SGK3: variants seen among roughly 807,000 people sequenced by gnomAD.
SGK3 encodes serum/glucocorticoid regulated kinase family member 3, also known as serine/threonine-protein kinase Sgk3.
In SGK3, 47 loss-of-function variants were observed where a neutral mutation model predicts 68.5. The ratio of observed to expected loss-of-function variants is 0.69; its 90% CI spans 0.54 to 0.87. The LOEUF (loss-of-function observed/expected upper bound fraction) is 0.87, where lower values mean the gene tolerates loss of function less well. Ranked by LOEUF, SGK3 falls within the 40% of genes least tolerant of loss-of-function variation. The pLI is 0.00. For missense variants in SGK3, 479 were observed against 575.5 expected, an observed-to-expected ratio of 0.83 and a Z score of 1.72; for synonymous variants, 181 against 189.1, an observed-to-expected ratio of 0.96 and a Z score of 0.35.
chr8:66,762,894 G>T (rs1449195766), intron 1 of SGK3, among the ~76,000 whole-genome samples: 2 of 152,196 alleles, frequency 1.3e-5, no homozygotes, highest in Non-Finnish European at 2.9e-5. Flanking sequence ...GGAAGTTAGA[G>T]CTAGAAACTT....
At chr8:66,821,341 A>T (rs969500653) in intron 5 of SGK3, among the ~76,000 whole-genome samples, 1 of 152,030 alleles carries the variant, frequency 6.6e-6, no homozygotes, top group South Asian at 2.1e-4. Flanking sequence ...TATAAAAATG[A>T]TACTGTGTTA....
At chr8:66,803,849 G>A (rs1416686157) in intron 3 of SGK3, among the ~76,000 whole-genome samples, 4 of 151,596 alleles carry the variant, frequency 2.6e-5, no homozygotes, top group Non-Finnish European at 5.9e-5. Context: ...TTTTAGAGAC[G>A]AAGTTTCACT....
chr8:66,858,255 G>T (rs1269133588), intron 16 of SGK3, among the ~76,000 whole-genome samples: 1 of 151,906 alleles, frequency 6.6e-6, no homozygotes, highest in Admixed American at 6.6e-5. Flanking sequence ...CACGAGGTCA[G>T]GAGATCAAGA....
chr8:66,839,871 A>C (rs1009472513), intron 10 of SGK3, 132 bp from the exon 11 acceptor site: 5 of 789,510 alleles, frequency 6.3e-6, no homozygotes, highest in African/African-American at 1.8e-5. Flanking sequence ...TGCCTTGTTA[A>C]CATTTTTAGC....
At position 66,856,256 on chromosome 8, in the gene SGK3, A is replaced by C. The variant is rs190293693; in HGVS notation, c.1321-3155A>C. Among the ~76,000 whole-genome samples the C allele has an allele frequency of 1.0e-3, 158 of 152,164 alleles. 3 individuals are homozygous for C. Among genetic ancestry groups the C allele is most frequent in the Admixed American group, 8.1e-3 (124 of 15,264 alleles). ...CTAATTTTTTGTATTTTTAGTAGAG[A>C]TGGGGTTCCATCGTGTTAACCAGGA... On this transcript the variant is annotated intron_variant, in intron 16 of 16. Coordinates refer to ENST00000521198, the MANE Select transcript of SGK3 (RefSeq NM_001033578.3).
chr8:66,804,723 CCAGGACCACATA>C (rs1461411797), intron 4 of SGK3, among the ~76,000 whole-genome samples: 5 of 152,036 alleles, frequency 3.3e-5, no homozygotes, highest in Non-Finnish European at 7.4e-5. Context: ...ATTAATTTGC[CCAGGACCACATA>C]CAGATAGTAA....
At chr8:66,826,161 C>A (rs571696113) in intron 6 of SGK3, among the ~76,000 whole-genome samples, 2 of 151,926 alleles carry the variant, frequency 1.3e-5, no homozygotes, top group Non-Finnish European at 2.9e-5. Context: ...TTAGTAGAGA[C>A]GGGGTTTCAC....
intron 16 of SGK3, among the ~76,000 whole-genome samples, chr8:66,852,189 G>A (rs149746821): frequency 1.3e-5 from 2 of 151,612 alleles, no homozygotes; most frequent in African/African-American, 2.4e-5. Flanking sequence ...TAGAATATAA[G>A]CCAAGACTGA....
rs1810678781 is a variant in SGK3, at chr8:66,859,597, G to C, written c.*16G>C. 1 of 1,602,430 alleles carries C rather than the reference G, an allele frequency of 6.2e-7. No homozygotes were observed. The highest frequency in any genetic ancestry group is 1.7e-5 in the Admixed American group (1 of 59,780). On this transcript the variant is annotated 3_prime_UTR_variant, in exon 17 of 17. Coordinates refer to ENST00000521198, the MANE Select transcript of SGK3 (RefSeq NM_001033578.3). ...ATTTTTGTGAGCAGTTTGCCATTCA[G>C]AAACCATTGAGCAAAATAAGTCTAT...
chr8:66,777,934 A>G (rs937769388), intron 1 of SGK3: 2 of 152,184 alleles, frequency 1.3e-5, no homozygotes, highest in African/African-American at 4.8e-5. Context: ...TGATGAGTTA[A>G]TCTTTTTCTC....
chr8:66,778,524 C>T (rs1447284942), intron 1 of SGK3, among the ~76,000 whole-genome samples: 4 of 152,218 alleles, frequency 2.6e-5, no homozygotes, highest in Non-Finnish European at 5.9e-5. Context: ...TCTCGATCTC[C>T]TGACCTCATG....
At chr8:66,832,775 T>C (rs1204006346) in intron 8 of SGK3, among the ~76,000 whole-genome samples, 4 of 151,982 alleles carry the variant, frequency 2.6e-5, no homozygotes, top group African/African-American at 7.2e-5. Flanking sequence ...GGAAACTTCA[T>C]GTTTAGATCT....
Position 66,835,958 on chromosome 8 carries a change from G to T in SGK3, c.625G>T (p.Ala209Ser). Residue 209 changes from alanine (A) to serine (S), a missense_variant, in exon 10 of 17, where the codon GCT (alanine) becomes TCT (serine). Physicochemically the swap from Ala to Ser is moderately conservative, Grantham distance 99. Around this residue, in one of 3 missense-constraint regions of SGK3, gnomAD observed 298 missense variants for 329.4 expected, o/e 0.90. Coordinates refer to ENST00000521198, the MANE Select transcript of SGK3 (RefSeq NM_001033578.3). ...TTTTTTCCAGCAAAAACATATTATG[G>T]CTGAACGTAATGTGCTCTTGAAAAA... Reference protein sequence around the residue: ...LNRKEQKHIMAERNVLLKNVK... With the variant: ...LNRKEQKHIMSERNVLLKNVK... 7 of 1,613,630 alleles carry T rather than the reference G, an allele frequency of 4.3e-6. No homozygotes were observed. The South Asian group carries it at 7.7e-5, about 18-fold the overall frequency.
chr8:66,723,131 ATTT>A (rs1177940065), intron 1 of SGK3, among the ~76,000 whole-genome samples: 164 of 29,402 alleles, frequency 5.6e-3, no homozygotes, highest in African/African-American at 6.6e-3. Flanking sequence ...ATATATATAT[ATTT>A]TTTTTTTTTT....
At chr8:66,749,372 CAG>C (rs1344307135) in intron 1 of SGK3, among the ~76,000 whole-genome samples, 1 of 151,314 alleles carries the variant, frequency 6.6e-6, no homozygotes, top group African/African-American at 2.4e-5. Context: ...GTCTGAGCTA[CAG>C]AGTGAGACCC....
At position 66,748,637 on chromosome 8, in the gene SGK3, A is replaced by T. The variant is rs150043882; in HGVS notation, c.-122+35804A>T. Among the ~76,000 whole-genome samples the T allele has an allele frequency of 7.5e-3, 1,148 of 152,296 alleles. 8 individuals carry two copies. The highest frequency in any genetic ancestry group is 0.011 in the Non-Finnish European group (729 of 68,020). ...GAGGAACCCACAGGACCAGGCCAGC[A>T]GTGCCTTGGATTCACATTTCCTTCT... On this transcript the variant is annotated intron_variant, in intron 1 of 16. Coordinates refer to ENST00000521198, the MANE Select transcript of SGK3 (RefSeq NM_001033578.3).
chr8:66,818,848 A>G (rs1386728206), intron 5 of SGK3, among the ~76,000 whole-genome samples: 1 of 152,210 alleles, frequency 6.6e-6, no homozygotes, highest in African/African-American at 2.4e-5. Flanking sequence ...CTATTTTCTG[A>G]CTATTATAAA....
intron 1 of SGK3, chr8:66,775,138 T>C (rs945496799): frequency 6.6e-6 from 1 of 152,310 alleles, no homozygotes; most frequent in Admixed American, 6.5e-5. Context: ...TATTCGGGCG[T>C]GGCCGGTGGT....
chr8:66,758,144 A>G (rs549887933), intron 1 of SGK3, among the ~76,000 whole-genome samples: 52 of 152,026 alleles, frequency 3.4e-4, no homozygotes, highest in African/African-American at 1.1e-3. Flanking sequence ...ACCTGAGGTC[A>G]GGAGTTCAAG....
Sources: allele counts gnomAD v4.1 joint callset (sites outside exome capture counted in the v4.1 genomes callset), GRCh38; gene constraint gnomAD v4.1.1; regional missense constraint gnomAD v4.1.1; transcripts MANE v1.5; gene names NCBI Gene and HGNC (gene_info 2026-07-23, HGNC 2026-07-21).